The following LZTS1 variants were observed in gnomAD, a reference collection of about 807,000 sequenced individuals.
LZTS1 encodes the protein leucine zipper putative tumor suppressor 1.
Under a neutral mutation model 45.8 loss-of-function variants are expected in LZTS1, and 31 were observed. The ratio of observed to expected loss-of-function variants is 0.68; its 90% CI spans 0.51 to 0.91. The LOEUF (loss-of-function observed/expected upper bound fraction) is 0.91, where lower values mean the gene tolerates loss of function less well. LZTS1 is among the 40% of genes least tolerant of loss of function. LZTS1 has a pLI of 0.00. For synonymous variants in LZTS1, 359 were observed against 357.3 expected, an observed-to-expected ratio of 1.00 and a Z score of -0.05; for missense variants, 821 against 788.9, an observed-to-expected ratio of 1.04 and a Z score of -0.49.
chr8:20,275,132 TGG>T (rs1460861776), intron 1 of LZTS1, among the ~76,000 whole-genome samples: 1 of 152,154 alleles, frequency 6.6e-6, no homozygotes, highest in African/African-American at 2.4e-5. Flanking sequence ...TTGGGCGCCA[TGG>T]CTCAAGCCTG....
At position 20,255,267 on chromosome 8, in the gene LZTS1, G is replaced by A; in HGVS notation, c.-86C>T. The A allele has an allele frequency of 1.3e-6, 2 of 1,494,998 alleles. No homozygotes were observed. Among genetic ancestry groups the A allele is most frequent in the Non-Finnish European group, 1.8e-6 (2 of 1,127,482 alleles). 92.6% of individuals were successfully genotyped at this position (1,494,998 alleles called of 1,614,324 possible). On this transcript the variant is annotated 5_prime_UTR_variant, in exon 2 of 4. Coordinates refer to ENST00000381569, the MANE Select transcript of LZTS1 (RefSeq NM_021020.5). ...AAGGGGCAGTCGTGGCTCCGTGAGG[G>A]GACTGAGGTCATAGCAAAGCCCTCA...
chr8:20,289,590 A>ATTTT (rs1800862394), intron 1 of LZTS1, among the ~76,000 whole-genome samples: 2 of 152,148 alleles, frequency 1.3e-5, no homozygotes, highest in Non-Finnish European at 2.9e-5. Flanking sequence ...TGCTGGCAGG[A>ATTTT]AAGCAGGGAG....
In LZTS1 at chr8:20,253,275, A is replaced by G. The variant is rs777263489; in HGVS notation, c.656T>C (p.Leu219Pro). Residue 219 changes from leucine to proline, a missense_variant, in exon 3 of 4, where the codon CTC becomes CCC. By Grantham distance (98) the Leu-to-Pro change is moderately conservative. Transcript: ENST00000381569. ...CAGGCTCATCATGTTGCTGTCCTGG[A>G]GGACGATGCCCTGGGTGATGTTGTG... ...SAHNITQGIVLQDSNMMSLKA... is the reference protein window; with the variant it reads ...SAHNITQGIVPQDSNMMSLKA... 1.9e-6 allele frequency: 3 copies of G among 1,614,098 alleles called. No individual in the cohort carries two copies. The highest frequency in any genetic ancestry group is 2.5e-6 in the Non-Finnish European group (3 of 1,180,036).
In LZTS1 at chr8:20,249,951, A is replaced by G; in HGVS notation, c.1562T>C (p.Met521Thr). The change falls in exon 4 of 4, where the codon ATG becomes ACG. Residue 521 changes from methionine (M) to threonine (T), a missense_variant. Physicochemically the swap from Met to Thr is moderately conservative, Grantham distance 81. Coordinates refer to ENST00000381569, the MANE Select transcript of LZTS1 (RefSeq NM_021020.5). Reference protein sequence around the residue: ...LREERQGHDQMSSGFQHERLV... With the variant: ...LREERQGHDQTSSGFQHERLV... ...CCGCTCATGCTGGAAGCCCGAGGAC[A>G]TCTGGTCATGGCCTTGCCGCTCCTC... is the stretch of plus-strand genomic sequence containing the variant. 1.2e-6 allele frequency: 2 copies of G among 1,613,992 alleles called. No homozygotes were observed. The highest frequency in any genetic ancestry group is 2.2e-5 in the East Asian group (1 of 44,840).
At position 20,303,782 on chromosome 8, in the gene LZTS1, C is replaced by T. The variant is rs1213931774; in HGVS notation, c.-177G>A. On this transcript the variant is annotated 5_prime_UTR_variant, in exon 1 of 4. Transcript: ENST00000381569. ...GGCGCACTTGAGACTTTTTTTTTTT[C>T]CCAGTGTTTCCCGGTGTGTTCCCGT... 2 of 984,690 alleles carry T rather than the reference C, an allele frequency of 2.0e-6. No homozygotes were observed. The highest frequency in any genetic ancestry group is 1.1e-4 in the East Asian group (1 of 8,780). The allele number at this position is 984,690 out of a possible 1,614,324, so 61.0% of individuals were successfully genotyped here. A position where few individuals can be genotyped will look rare whatever the true frequency, so the allele number is the denominator to read the frequency against.
rs377604837 is a variant in LZTS1, at chr8:20,247,110, G to A, written c.*2612C>T. 26 of 152,544 alleles carry A rather than the reference G, an allele frequency of 1.7e-4. No homozygotes were observed. The highest frequency in any genetic ancestry group is 6.3e-4 in the African/African-American group (26 of 41,584). 9.4% of individuals were successfully genotyped at this position (152,544 alleles called of 1,614,324 possible). ...GGGGCGGGGGCTGGTGGCAGCCCAGGGAAGACATCTGCCACCTTGGACGTA... is the reference window on the plus strand; with the variant it reads ...GGGGCGGGGGCTGGTGGCAGCCCAGAGAAGACATCTGCCACCTTGGACGTA... On this transcript the variant is annotated 3_prime_UTR_variant, in exon 4 of 4. Transcript: ENST00000381569.
At position 20,299,451 on chromosome 8, in the gene LZTS1, T is replaced by C. The variant is rs140634361; in HGVS notation, c.-135+4289A>G. On this transcript the variant is annotated intron_variant, in intron 1 of 3. Transcript: ENST00000381569. ...AATCCAGTTTTCAACTTACTTGTCA[T>C]TGGTTCAGGTGTGCCAGTTCTTCTT... Among the ~76,000 whole-genome samples, 687 of 152,352 alleles carry C rather than the reference T, an allele frequency of 4.5e-3. 2 individuals are homozygous for C. The highest frequency in any genetic ancestry group is 0.024 in the Middle Eastern group (7 of 294).
chr8:20,275,882 A>G (rs1800570713), intron 1 of LZTS1: 1 of 152,274 alleles, frequency 6.6e-6, no homozygotes, highest in African/African-American at 2.4e-5. Flanking sequence ...GTTATTAACT[A>G]AAAGGAGTCA....
intron 1 of LZTS1, among the ~76,000 whole-genome samples, chr8:20,297,900 T>A (rs184998549): frequency 6.6e-6 from 1 of 152,298 alleles, no homozygotes; most frequent in East Asian, 1.9e-4. Flanking sequence ...TCCTGCATAT[T>A]AAACACTTGC....
At chr8:20,288,544 T>TCA (rs1800838846) in intron 1 of LZTS1, among the ~76,000 whole-genome samples, 1 of 152,200 alleles carries the variant, frequency 6.6e-6, no homozygotes, top group Non-Finnish European at 1.5e-5. Flanking sequence ...GAGGGTGCAC[T>TCA]GTTACTACCC....
In LZTS1 at chr8:20,249,632, G is replaced by C. The variant is rs904003; in HGVS notation, c.*90C>G. On this transcript the variant is annotated 3_prime_UTR_variant, in exon 4 of 4. Transcript: ENST00000381569. ...GTGTCCCAGGGAGTGGCGTCTCTCA[G>C]AGGGGTCTGAATTGCTGAGCAGGGG... is the stretch of plus-strand genomic sequence containing the variant. The C allele has an allele frequency of 6.8e-7, 1 of 1,478,164 alleles. No homozygotes were observed. The highest frequency in any genetic ancestry group is 9.0e-7 in the Non-Finnish European group (1 of 1,105,272). 91.6% of individuals were successfully genotyped at this position (1,478,164 alleles called of 1,614,324 possible). A position where few individuals can be genotyped will look rare whatever the true frequency, so the allele number is the denominator to read the frequency against.
At chr8:20,270,868 G>C (rs1049454662) in intron 1 of LZTS1, among the ~76,000 whole-genome samples, 5 of 151,716 alleles carry the variant, frequency 3.3e-5, no homozygotes, top group Non-Finnish European at 7.4e-5. Flanking sequence ...GGAACAGGGA[G>C]ACCTGGTTGA....
rs138102039 is a variant in LZTS1 at position 20,300,096 on chromosome 8, A to T, written c.-135+3644T>A. Among the ~76,000 whole-genome samples, 83 of 152,228 alleles carry T rather than the reference A, an allele frequency of 5.5e-4. 1 individual carries two copies. Among genetic ancestry groups the T allele is most frequent in the African/African-American group, 1.9e-3 (79 of 41,546 alleles). On this transcript the variant is annotated intron_variant, in intron 1 of 3. Coordinates refer to ENST00000381569, the MANE Select transcript of LZTS1 (RefSeq NM_021020.5). ...GGGCGAGTGTTCCCTCGGACTCCCG[A>T]ACTGTTGGTGGGGCCTGAGATGGCC... is the stretch of plus-strand genomic sequence containing the variant.
Position 20,303,907 on chromosome 8 carries a change from T to C in LZTS1, c.-302A>G, listed in dbSNP as rs1801127187. 2.0e-6 allele frequency: 2 copies of C among 984,120 alleles called. No homozygotes were observed. Among genetic ancestry groups the C allele is most frequent in the Non-Finnish European group, 2.4e-6 (2 of 829,514 alleles). 61.0% of individuals were successfully genotyped at this position (984,120 alleles called of 1,614,324 possible). ...CTGGCCGAGGCGGGCAGAGAAACTTTCGGCCTCCCCGCCCGGCCGCTGCCA... is the reference window on the plus strand; with the variant it reads ...CTGGCCGAGGCGGGCAGAGAAACTTCCGGCCTCCCCGCCCGGCCGCTGCCA... On this transcript the variant is annotated 5_prime_UTR_variant, in exon 1 of 4. Transcript: ENST00000381569.
chr8:20,299,144 C>CTGGGTGA (rs1801028933), intron 1 of LZTS1, among the ~76,000 whole-genome samples: 1 of 152,118 alleles, frequency 6.6e-6, no homozygotes, highest in African/African-American at 2.4e-5. Flanking sequence ...GGGTGGCTGG[C>CTGGGTGA]CAAACCCAGC....
chr8:20,266,684 GTTTAAAAAGCAGCA>G (rs1249237391), intron 1 of LZTS1, among the ~76,000 whole-genome samples: 1 of 152,208 alleles, frequency 6.6e-6, no homozygotes, highest in Non-Finnish European at 1.5e-5. Context: ...AACAAAAAGG[GTTTAAAAAGCAGCA>G]TGAATTTAAC....
chr8:20,251,957 C>T (rs954818956), intron 3 of LZTS1, among the ~76,000 whole-genome samples: 1 of 152,078 alleles, frequency 6.6e-6, no homozygotes, highest in African/African-American at 2.4e-5. Flanking sequence ...TGCACATAGC[C>T]AGGGGTTTGC....
intron 1 of LZTS1, among the ~76,000 whole-genome samples, chr8:20,265,442 G>A (rs1412557359): frequency 6.6e-6 from 1 of 151,950 alleles, no homozygotes; most frequent in African/African-American, 2.4e-5. Context: ...AAGGGAGGAG[G>A]ATGGCTTGAG....
intron 1 of LZTS1, among the ~76,000 whole-genome samples, chr8:20,263,342 T>C (rs920243254): frequency 1.3e-5 from 2 of 151,976 alleles, no homozygotes; most frequent in African/African-American, 2.4e-5. Flanking sequence ...TCAGTCTTTT[T>C]TTTTTTTGAG....
Sources: allele counts gnomAD v4.1 joint callset (sites outside exome capture counted in the v4.1 genomes callset), GRCh38; gene constraint gnomAD v4.1.1; transcripts MANE v1.5; gene names NCBI Gene and HGNC (gene_info 2026-07-23, HGNC 2026-07-21).